Variants in GRID1 observed in about 807,000 individuals in gnomAD.
The protein encoded by GRID1 is glutamate ionotropic receptor delta type subunit 1.
GRID1 carries 28 observed loss-of-function variants against 98.0 expected under a neutral mutation model. The ratio of observed to expected loss-of-function variants is 0.29; its 90% confidence interval spans 0.21 to 0.39. GRID1 has a LOEUF of 0.39. Ranked by LOEUF, GRID1 falls within the 10% of genes least tolerant of loss-of-function variation. GRID1 has a pLI of 1.00. For synonymous variants in GRID1, 553 were observed against 538.5 expected, an observed-to-expected ratio of 1.03 and a Z score of -0.37; for missense variants, 1,111 against 1,340.5, an observed-to-expected ratio of 0.83 and a Z score of 2.67.
intron 2 of GRID1, among the ~76,000 whole-genome samples, chr10:86,296,777 A>G (rs1477839134): frequency 8.5e-6 from 1 of 117,270 alleles, no homozygotes; most frequent in Non-Finnish European, 1.9e-5. Flanking sequence ...ATACATGCAT[A>G]CATACACACA....
At chr10:85,952,238 A>AG (rs751064349) in intron 4 of GRID1, among the ~76,000 whole-genome samples, 54 of 152,218 alleles carry the variant, frequency 3.5e-4, no homozygotes, top group Admixed American at 5.9e-4. Flanking sequence ...GTAAACAAAG[A>AG]GGGGCACATG....
chr10:86,286,584 G>A (rs961845758), intron 2 of GRID1, among the ~76,000 whole-genome samples: 1 of 152,170 alleles, frequency 6.6e-6, no homozygotes, highest in African/African-American at 2.4e-5. Flanking sequence ...GTGGCATCAC[G>A]AGGCAGATAG....
intron 8 of GRID1, among the ~76,000 whole-genome samples, chr10:85,818,097 T>C (rs751786412): frequency 6.6e-6 from 1 of 152,220 alleles, no homozygotes; most frequent in Non-Finnish European, 1.5e-5. Flanking sequence ...GCAGTTCTGA[T>C]ACTCCATGTA....
At chr10:86,181,998 G>T (rs932290798) in intron 3 of GRID1, among the ~76,000 whole-genome samples, 6 of 152,220 alleles carry the variant, frequency 3.9e-5, no homozygotes, top group African/African-American at 1.4e-4. Flanking sequence ...CTTAGAATTT[G>T]CTGGCATGGA....
intron 3 of GRID1, among the ~76,000 whole-genome samples, chr10:86,151,803 T>G (rs1845173293): frequency 6.6e-6 from 1 of 152,122 alleles, no homozygotes; most frequent in Non-Finnish European, 1.5e-5. Context: ...ACCAGCAGTG[T>G]CTCGGGATCT....
Position 85,843,238 on chromosome 10 carries a change from G to A in GRID1, c.1233+11258C>T, listed in dbSNP as rs185959859. On this transcript the variant is annotated intron_variant, in intron 8 of 15. Coordinates refer to ENST00000327946, the MANE Select transcript of GRID1 (RefSeq NM_017551.3). The stretch of plus-strand genomic sequence containing the variant: ...GTGATGAGGCAATTGGATACCTATA[G>A]GGAAAAAAAAATGAACTTCAACCTA... Among the ~76,000 whole-genome samples the A allele has an allele frequency of 4.3e-3, 655 of 150,760 alleles. 2 individuals carry two copies. Among genetic ancestry groups the A allele is most frequent in the Middle Eastern group, 6.8e-3 (2 of 294 alleles).
intron 8 of GRID1, among the ~76,000 whole-genome samples, chr10:85,819,627 G>A (rs993195925): frequency 6.6e-6 from 1 of 152,000 alleles, no homozygotes. Flanking sequence ...GAAAACTTCT[G>A]GCCAGACATG....
intron 3 of GRID1, among the ~76,000 whole-genome samples, chr10:86,140,779 G>GA (rs1486607243): frequency 6.6e-6 from 1 of 152,172 alleles, no homozygotes; most frequent in Non-Finnish European, 1.5e-5. Context: ...AAAATGGGGT[G>GA]AAAATCACCA....
intron 8 of GRID1, among the ~76,000 whole-genome samples, chr10:85,730,168 G>A (rs1450040981): frequency 2.0e-5 from 3 of 152,208 alleles, no homozygotes; most frequent in African/African-American, 7.2e-5. Context: ...TCCTTGACAG[G>A]CAGGTAGAGG....
chr10:85,788,398 C>A (rs1241460701), intron 8 of GRID1, among the ~76,000 whole-genome samples: 1 of 152,168 alleles, frequency 6.6e-6, no homozygotes, highest in Admixed American at 6.5e-5. Context: ...TGTGTTCTTT[C>A]TTATGGTCTT....
intron 4 of GRID1, among the ~76,000 whole-genome samples, chr10:86,084,968 C>T (rs972485663): frequency 1.3e-5 from 2 of 152,156 alleles, no homozygotes; most frequent in Non-Finnish European, 2.9e-5. Context: ...GATGGTTGCA[C>T]AACACTGAAA....
At chr10:85,837,851 T>C (rs886204756) in intron 8 of GRID1, among the ~76,000 whole-genome samples, 1 of 152,116 alleles carries the variant, frequency 6.6e-6, no homozygotes, top group South Asian at 2.1e-4. Context: ...AGAATATGGA[T>C]AAGAACAAAG....
In GRID1 at chr10:85,602,217, A is replaced by T. The variant is rs910546603; in HGVS notation, c.*56T>A. On this transcript the variant is annotated 3_prime_UTR_variant, in exon 16 of 16. Transcript: ENST00000327946. ...GTTTGTGTTGTTGTTTTCTTGTATT[A>T]AAAAGCTCTGCTGGTCGGGTGGGTG... 2.7e-6 allele frequency: 3 copies of T among 1,112,432 alleles called. No homozygotes were observed. The highest frequency in any genetic ancestry group is 3.3e-5 in the African/African-American group (2 of 60,752). 68.9% of individuals were successfully genotyped at this position (1,112,432 alleles called of 1,614,324 possible). A position where few individuals can be genotyped will look rare whatever the true frequency, so the allele number is the denominator to read the frequency against.
chr10:85,806,689 T>C (rs187745620), intron 8 of GRID1, among the ~76,000 whole-genome samples: 223 of 151,954 alleles, frequency 1.5e-3, no homozygotes, highest in Middle Eastern at 3.4e-3. Context: ...TAAAAGAAAA[T>C]TGATATAAAA....
At position 85,826,691 on chromosome 10, in the gene GRID1, C is replaced by T. The variant is rs556591760; in HGVS notation, c.1233+27805G>A. 1.6e-3 allele frequency among the ~76,000 whole-genome samples: 239 copies of T among 152,226 alleles called. 3 individuals carry two copies. In the Middle Eastern group the frequency reaches 0.024, roughly 15 times the overall value. On this transcript the variant is annotated intron_variant, in intron 8 of 15. Coordinates refer to ENST00000327946, the MANE Select transcript of GRID1 (RefSeq NM_017551.3). The stretch of plus-strand genomic sequence containing the variant: ...AAGTGAGCAAGGATCCTGCTGCCAC[C>T]ATTTAAATGAAGCACTCTGGCCAGC...
At chr10:85,739,807 A>G (rs1407892385) in intron 8 of GRID1, among the ~76,000 whole-genome samples, 1 of 152,144 alleles carries the variant, frequency 6.6e-6, no homozygotes, top group Non-Finnish European at 1.5e-5. Context: ...AGATTACATA[A>G]CATTATATAT....
At chr10:85,899,457 ATCTT>A (rs1336465215) in intron 5 of GRID1, among the ~76,000 whole-genome samples, 5 of 152,310 alleles carry the variant, frequency 3.3e-5, no homozygotes, top group Non-Finnish European at 5.9e-5. Context: ...GTCTACAGAC[ATCTT>A]TCTATGATTG....
At chr10:86,008,079 A>T (rs1842884972) in intron 4 of GRID1, among the ~76,000 whole-genome samples, 1 of 152,182 alleles carries the variant, frequency 6.6e-6, no homozygotes, top group Non-Finnish European at 1.5e-5. Context: ...AATACAGATT[A>T]AAAAAGAAAA....
intron 2 of GRID1, among the ~76,000 whole-genome samples, chr10:86,232,437 CTG>C (rs1412200819): frequency 6.6e-6 from 1 of 152,190 alleles, no homozygotes; most frequent in Non-Finnish European, 1.5e-5. Context: ...CAAGACTGCA[CTG>C]TGTCAGGTAC....
Sources: allele counts gnomAD v4.1 joint callset (sites outside exome capture counted in the v4.1 genomes callset), GRCh38; gene constraint gnomAD v4.1.1; transcripts MANE v1.5; gene names NCBI Gene and HGNC (gene_info 2026-07-23, HGNC 2026-07-21).